The following AUTS2 variants were observed in gnomAD, a reference collection of about 807,000 sequenced individuals.
AUTS2 encodes activator of transcription and developmental regulator AUTS2.
A neutral mutation model predicts 112.4 loss-of-function variants in AUTS2; 17 were observed. That is an observed-to-expected ratio of 0.15 (90% CI 0.10 to 0.23). The LOEUF (loss-of-function observed/expected upper bound fraction) is 0.23, where lower values mean the gene tolerates loss of function less well. Among genes scored for constraint, AUTS2 ranks in the 10% least tolerant of loss-of-function variants. The pLI, the probability that AUTS2 is intolerant of heterozygous loss-of-function variation, is 1.00. For synonymous variants in AUTS2, 751 were observed against 702.7 expected, an observed-to-expected ratio of 1.07 and a Z score of -1.09; for missense variants, 1,510 against 1,701.6, an observed-to-expected ratio of 0.89 and a Z score of 1.98.
At chr7:70,760,134 T>C (rs186117027) in intron 6 of AUTS2, among the ~76,000 whole-genome samples, 1 of 151,834 alleles carries the variant, frequency 6.6e-6, no homozygotes, top group African/African-American at 2.4e-5. Flanking sequence ...GCCTCCCGAG[T>C]AGCTGGGACT....
intron 2 of AUTS2, among the ~76,000 whole-genome samples, chr7:70,003,187 ATATATGAATATATT>A (rs1563029184): frequency 2.5e-5 from 3 of 120,754 alleles, no homozygotes; most frequent in African/African-American, 1.0e-4. Flanking sequence ...TGAATATATT[ATATATGAATATATT>A]ATATATGAAT....
intron 5 of AUTS2, among the ~76,000 whole-genome samples, chr7:70,490,054 G>A (rs1427318079): frequency 6.6e-6 from 1 of 152,134 alleles, no homozygotes; most frequent in Non-Finnish European, 1.5e-5. Flanking sequence ...TACATTAATA[G>A]AGGAATGCTT....
At chr7:70,729,609 A>G (rs1787247367) in intron 6 of AUTS2, among the ~76,000 whole-genome samples, 1 of 152,230 alleles carries the variant, frequency 6.6e-6, no homozygotes, top group South Asian at 2.1e-4. Context: ...TTTGGCAGTC[A>G]GTCAGGCGTT....
intron 1 of AUTS2, among the ~76,000 whole-genome samples, chr7:69,747,215 A>AGG (rs1296049510): frequency 1.3e-5 from 2 of 152,228 alleles, no homozygotes; most frequent in Non-Finnish European, 2.9e-5. Context: ...GCTGCTGGTC[A>AGG]GGGACCACGC....
At chr7:69,787,954 T>G (rs2129321981) in intron 1 of AUTS2, among the ~76,000 whole-genome samples, 1 of 152,280 alleles carries the variant, frequency 6.6e-6, no homozygotes, top group South Asian at 2.1e-4. Context: ...AAGGACAGAT[T>G]TTTCAGAGGG....
At chr7:69,864,873 A>G (rs1793148701) in intron 1 of AUTS2, among the ~76,000 whole-genome samples, 1 of 152,202 alleles carries the variant, frequency 6.6e-6, no homozygotes, top group Non-Finnish European at 1.5e-5. Context: ...CAACTAGTGA[A>G]TTAAAAGTGT....
In AUTS2 at chr7:70,195,739, C is replaced by G. The variant is rs561674497; in HGVS notation, c.660+61168C>G. The stretch of plus-strand genomic sequence containing the variant: ...CATTTATCTTTGGTAGCAACATATT[C>G]CAAAGACTTAAGAGTTTAAAGAAAT... On this transcript the variant is annotated intron_variant, in intron 4 of 18. Transcript: ENST00000342771. 5.3e-5 allele frequency among the ~76,000 whole-genome samples: 8 copies of G among 152,274 alleles called. No homozygotes were observed. The South Asian group carries it at 1.7e-3, about 32-fold the overall frequency.
At chr7:69,624,246 AG>A (rs919517497) in intron 1 of AUTS2, among the ~76,000 whole-genome samples, 4 of 152,216 alleles carry the variant, frequency 2.6e-5, no homozygotes, top group African/African-American at 9.6e-5. Context: ...CTAATAAACA[AG>A]TGAGTCTTGT....
intron 4 of AUTS2, among the ~76,000 whole-genome samples, chr7:70,264,675 G>C (rs7792964): frequency 0.31 from 46,631 of 152,086 alleles, 7,492 homozygotes; most frequent in African/African-American, 0.39. Flanking sequence ...AGGGTCTGTA[G>C]TTGGAGTACG....
chr7:70,373,584 G>A (rs1331579098), intron 4 of AUTS2, among the ~76,000 whole-genome samples: 1 of 152,172 alleles, frequency 6.6e-6, no homozygotes, highest in Non-Finnish European at 1.5e-5. Flanking sequence ...ACTGGCATCA[G>A]TGGGCAGTTA....
chr7:70,002,255 G>A (rs1799232947), intron 2 of AUTS2, among the ~76,000 whole-genome samples: 1 of 152,118 alleles, frequency 6.6e-6, no homozygotes, highest in Non-Finnish European at 1.5e-5. Context: ...AAAATTTTTG[G>A]TCTGCTCTCC....
chr7:70,349,647 G>A (rs1219309115), intron 4 of AUTS2, among the ~76,000 whole-genome samples: 1 of 151,128 alleles, frequency 6.6e-6, no homozygotes, highest in East Asian at 1.9e-4. Flanking sequence ...CTGAGATCTG[G>A]TTTTCCAGGC....
At chr7:70,259,484 G>A (rs982560946) in intron 4 of AUTS2, among the ~76,000 whole-genome samples, 4 of 152,172 alleles carry the variant, frequency 2.6e-5, no homozygotes, top group African/African-American at 9.7e-5. Context: ...CATGCCCATT[G>A]AGAAGGGCCT....
At chr7:70,425,819 A>T (rs1795411403) in intron 4 of AUTS2, among the ~76,000 whole-genome samples, 1 of 152,266 alleles carries the variant, frequency 6.6e-6, no homozygotes, top group African/African-American at 2.4e-5. Flanking sequence ...TTTTAAAAAA[A>T]GATATTCAGT....
chr7:70,091,098 G>T (rs886966795), intron 2 of AUTS2, among the ~76,000 whole-genome samples: 1 of 152,068 alleles, frequency 6.6e-6, no homozygotes, highest in African/African-American at 2.4e-5. Flanking sequence ...TAGAACTAGC[G>T]GTTGATACTT....
chr7:70,333,756 A>G lies in AUTS2; in HGVS notation c.661-101996A>G, dbSNP rs186501770. On this transcript the variant is annotated intron_variant, in intron 4 of 18. Transcript: ENST00000342771. ...CTCACTCCTAAGTGGGAGATGAACA[A>G]TGAGAACACATGGACACAGGGAGGG... Among the ~76,000 whole-genome samples the G allele has an allele frequency of 4.1e-4, 63 of 152,262 alleles. 1 individual carries two copies. The highest frequency in any genetic ancestry group is 1.4e-3 in the African/African-American group (59 of 41,552).
intron 1 of AUTS2, among the ~76,000 whole-genome samples, chr7:69,791,928 T>C (rs1789621272): frequency 6.6e-6 from 1 of 152,130 alleles, no homozygotes; most frequent in Non-Finnish European, 1.5e-5. Context: ...AGAATCTGCA[T>C]GTGGCCTGCA....
At chr7:70,689,148 C>T (rs11972792) in intron 5 of AUTS2, among the ~76,000 whole-genome samples, 9 of 151,626 alleles carry the variant, frequency 5.9e-5, no homozygotes, top group South Asian at 2.1e-4. Flanking sequence ...CTTGAGGCCA[C>T]GAGTTCAAGA....
chr7:70,101,524 G>GT (rs1239119913), intron 2 of AUTS2, among the ~76,000 whole-genome samples: 1 of 151,890 alleles, frequency 6.6e-6, no homozygotes, highest in African/African-American at 2.4e-5. Flanking sequence ...GTGAAACACC[G>GT]TCTTTACTAA....
Sources: gnomAD v4.1 joint callset for allele counts (sites outside exome capture counted in the v4.1 genomes callset) on GRCh38, gnomAD v4.1.1 for gene constraint, MANE v1.5 for transcripts, NCBI Gene and HGNC (gene_info 2026-07-23, HGNC 2026-07-21) for gene names.